Variants in CPQ observed in about 807,000 individuals in gnomAD.
The protein encoded by CPQ is Ser-Met dipeptidase.
A neutral mutation model predicts 45.7 loss-of-function variants in CPQ; 37 were observed. The observed-to-expected ratio is 0.81, with a 90% confidence interval of 0.62 to 1.07. The LOEUF is 1.07. Among genes scored for constraint, CPQ ranks in the 50% least tolerant of loss-of-function variants. CPQ has a pLI of 0.00. For missense variants in CPQ, 537 were observed against 572.9 expected (o/e 0.94, Z 0.64); for synonymous variants, 186 against 205.8 (o/e 0.90, Z 0.82).
chr8:96,698,063 G>A (rs1376622496), intron 1 of CPQ, among the ~76,000 whole-genome samples: 10 of 151,494 alleles, frequency 6.6e-5, no homozygotes, highest in Admixed American at 4.0e-4. Context: ...CTGAACAAAA[G>A]GAAAAAAATG....
chr8:96,750,150 TAC>T (rs1810239795), intron 1 of CPQ, among the ~76,000 whole-genome samples: 2 of 151,896 alleles, frequency 1.3e-5, no homozygotes, highest in South Asian at 2.1e-4. Context: ...ATTTTATATA[TAC>T]ACACACATAT....
intron 5 of CPQ, among the ~76,000 whole-genome samples, chr8:96,973,283 A>G (rs1202406062): frequency 6.6e-6 from 1 of 152,052 alleles, no homozygotes; most frequent in Non-Finnish European, 1.5e-5. Context: ...GAGTTCAAAG[A>G]CAAGGCTTTC....
rs535461702 is a variant in CPQ at position 96,676,815 on chromosome 8, C to T, written c.-35+31413C>T. Among the ~76,000 whole-genome samples the T allele has an allele frequency of 7.9e-5, 12 of 152,090 alleles. No homozygotes were observed. In the South Asian group the frequency reaches 1.9e-3, roughly 24 times the overall value. Reference sequence around the variant, plus strand: ...CTGTACCCAATATGAAGTCTTTTATCCCTCATCCCCTTTCCAACCTTCCCT... The same window carrying T: ...CTGTACCCAATATGAAGTCTTTTATTCCTCATCCCCTTTCCAACCTTCCCT... On this transcript the variant is annotated intron_variant, in intron 1 of 7. Transcript: ENST00000220763.
chr8:97,083,682 G>A (rs567278990), intron 7 of CPQ, among the ~76,000 whole-genome samples: 3 of 152,202 alleles, frequency 2.0e-5, no homozygotes, highest in Non-Finnish European at 2.9e-5. Context: ...GATAAGAGTC[G>A]GTGGAGGATT....
intron 7 of CPQ, among the ~76,000 whole-genome samples, chr8:97,139,438 T>C (rs1812117483): frequency 6.6e-6 from 1 of 152,098 alleles, no homozygotes; most frequent in African/African-American, 2.4e-5. Flanking sequence ...CACAGAGCAC[T>C]GAAAGCACAT....
At chr8:96,960,287 T>C (rs1813435681) in intron 4 of CPQ, among the ~76,000 whole-genome samples, 1 of 152,232 alleles carries the variant, frequency 6.6e-6, no homozygotes, top group Non-Finnish European at 1.5e-5. Context: ...AGGAGGACAC[T>C]ATCTTTGTCA....
chr8:97,117,712 A>ATT (rs1048855177), intron 7 of CPQ, among the ~76,000 whole-genome samples: 1 of 151,606 alleles, frequency 6.6e-6, no homozygotes, highest in Admixed American at 6.6e-5. Flanking sequence ...TTTTATTTTT[A>ATT]TTTTTTTGTA....
intron 4 of CPQ, among the ~76,000 whole-genome samples, chr8:96,927,336 T>C (rs1812906017): frequency 2.0e-5 from 3 of 152,172 alleles, no homozygotes. Context: ...CGTGCATGCA[T>C]CCAGATGAGG....
chr8:96,896,710 CT>C (rs1812447701), intron 4 of CPQ, among the ~76,000 whole-genome samples: 1 of 152,048 alleles, frequency 6.6e-6, no homozygotes, highest in African/African-American at 2.4e-5. Flanking sequence ...CTTTTTTATG[CT>C]TTCCATAAAA....
intron 4 of CPQ, among the ~76,000 whole-genome samples, chr8:96,905,164 A>AAG (rs940852036): frequency 3.3e-5 from 5 of 151,618 alleles, no homozygotes; most frequent in South Asian, 4.2e-4. Context: ...TGACAGGAGA[A>AAG]AGAGAGAGAG....
At chr8:96,979,215 A>G (rs1813843739) in intron 5 of CPQ, among the ~76,000 whole-genome samples, 1 of 152,136 alleles carries the variant, frequency 6.6e-6, no homozygotes, top group Non-Finnish European at 1.5e-5. Flanking sequence ...TAAAGGTTGG[A>G]GTTGGTGCTA....
rs1482689191 is a variant in CPQ, at chr8:96,998,849, T to A, written c.962-30554T>A. ...TCCAGCTCACTTTTGTTTACTGCTG[T>A]TCTATGCTATTTGCTGGACAAACCA... On this transcript the variant is annotated intron_variant, in intron 5 of 7. Coordinates refer to ENST00000220763, the MANE Select transcript of CPQ (RefSeq NM_016134.4). 2.6e-5 allele frequency among the ~76,000 whole-genome samples: 4 copies of A among 152,092 alleles called. No homozygotes were observed. The East Asian group carries it at 7.7e-4, about 29-fold the overall frequency.
chr8:97,092,430 G>A (rs1186242483), intron 7 of CPQ: 1 of 152,152 alleles, frequency 6.6e-6, no homozygotes, highest in African/African-American at 2.4e-5. Context: ...TATACTACAA[G>A]CCTGCAGTAA....
At chr8:96,851,653 A>G (rs1408117943) in intron 3 of CPQ, among the ~76,000 whole-genome samples, 1 of 152,158 alleles carries the variant, frequency 6.6e-6, no homozygotes, top group Non-Finnish European at 1.5e-5. Context: ...AGGCCCCACC[A>G]CTTAATATCA....
chr8:97,094,136 T>C (rs1356418845), intron 7 of CPQ, among the ~76,000 whole-genome samples: 1 of 152,202 alleles, frequency 6.6e-6, no homozygotes, highest in Admixed American at 6.6e-5. Flanking sequence ...CTGACAACTC[T>C]TATAAAACAC....
At chr8:97,091,480 G>C (rs1482153976) in intron 7 of CPQ, among the ~76,000 whole-genome samples, 1 of 152,154 alleles carries the variant, frequency 6.6e-6, no homozygotes, top group East Asian at 1.9e-4. Flanking sequence ...ACTTGTAATT[G>C]TCAGGCCAGT....
At chr8:96,848,941 A>G (rs114449253) in intron 3 of CPQ, among the ~76,000 whole-genome samples, 4,789 of 152,208 alleles carry the variant, frequency 0.031, 246 homozygotes, top group African/African-American at 0.11. Flanking sequence ...TGGCTTATTG[A>G]GTGATCTGTG....
chr8:96,730,010 G>T (rs139039765), intron 1 of CPQ, among the ~76,000 whole-genome samples: 1 of 152,164 alleles, frequency 6.6e-6, no homozygotes, highest in Non-Finnish European at 1.5e-5. Flanking sequence ...CTGGAGATTG[G>T]CAGTGGCCAG....
intron 5 of CPQ, among the ~76,000 whole-genome samples, chr8:96,991,551 GTCATAATAATAATAATAA>G (rs1809092270): frequency 1.7e-5 from 2 of 114,614 alleles, no homozygotes; most frequent in African/African-American, 3.7e-5. Context: ...ACAAGAGTCT[GTCATAATAATAATAATAA>G]TAATAATAAT....
Sources: allele counts gnomAD v4.1 joint callset (sites outside exome capture counted in the v4.1 genomes callset), GRCh38; gene constraint gnomAD v4.1.1; transcripts MANE v1.5; gene names NCBI Gene and HGNC (gene_info 2026-07-23, HGNC 2026-07-21).